DCAF8L2: variants seen among roughly 807,000 people sequenced by gnomAD.
DCAF8L2 encodes the protein DDB1- and CUL4-associated factor 8-like protein 2.
For missense variants in DCAF8L2, 430 were observed against 490.7 expected (o/e 0.88, Z 1.17); for synonymous variants, 200 against 190.9 (o/e 1.05, Z -0.39).
the DCAF8L2 span, among the ~76,000 whole-genome samples, chrX:27,502,317 TAAAAAAAAA>T: frequency 1.4e-4 from 2 of 13,996 alleles, no homozygotes; most frequent in African/African-American, 5.4e-4. Context: ...TGAAACTCTG[TAAAAAAAAA>T]AAAAAAAAAA....
the DCAF8L2 span, among the ~76,000 whole-genome samples, chrX:27,563,516 T>C: frequency 6.1e-4 from 69 of 112,384 alleles, no homozygotes; most frequent in Non-Finnish European, 9.8e-4. Context: ...AGGATATGAC[T>C]CTTTCAATAT....
At position 27,747,315 on chromosome X, in the gene DCAF8L2, GGAGGAGGAGGAGGAA is replaced by G. The variant is rs769259966; in HGVS notation, c.423_437del (p.Glu143_Glu147del). 8.0e-6 allele frequency: 9 copies of G among 1,120,227 alleles called. No homozygotes were observed. The East Asian group carries it at 3.0e-4, about 37-fold the overall frequency. The allele number at this position is 1,120,227 out of a possible 1,213,427, so 92.3% of individuals were successfully genotyped here. On this transcript the variant is annotated inframe_deletion, in exon 5 of 5. Coordinates refer to ENST00000451261, the MANE Select transcript of DCAF8L2 (RefSeq NM_001353450.2). The stretch of plus-strand genomic sequence containing the variant: ...AGGAGGAGGAGGAGGAGGAGGAGGA[GGAGGAGGAGGAGGAA>G]GAAGAACAGCCTCGGGCGGGTCCAC...
intron 2 of DCAF8L2, among the ~76,000 whole-genome samples, chrX:27,644,512 C>A (rs1313139913): frequency 9.0e-6 from 1 of 110,619 alleles, no homozygotes; most frequent in Non-Finnish European, 1.9e-5. Context: ...TCTGAAAAAA[C>A]CTCTTGTTAC....
At chrX:27,722,509 G>C (rs908012219) in intron 4 of DCAF8L2, among the ~76,000 whole-genome samples, 1 of 111,295 alleles carries the variant, frequency 9.0e-6, no homozygotes, top group African/African-American at 3.3e-5. Flanking sequence ...TCAGTAGAAA[G>C]CATACTTCAA....
chrX:27,506,320 C>A, the DCAF8L2 span, among the ~76,000 whole-genome samples: 3 of 111,670 alleles, frequency 2.7e-5, no homozygotes, highest in Admixed American at 2.9e-4. Flanking sequence ...ACTTTGTACA[C>A]CCTCGTCCAT....
At chrX:27,713,065 G>T (rs1386443371) in intron 3 of DCAF8L2, among the ~76,000 whole-genome samples, 1 of 111,581 alleles carries the variant, frequency 9.0e-6, no homozygotes, top group Non-Finnish European at 1.9e-5. Context: ...GGTCTGAGTT[G>T]GAAAGAGAAT....
At chrX:27,540,459 T>C in the DCAF8L2 span, among the ~76,000 whole-genome samples, 1 of 111,052 alleles carries the variant, frequency 9.0e-6, no homozygotes, top group Non-Finnish European at 1.9e-5. Flanking sequence ...TTAAGTGAAA[T>C]AAGGCATGCA....
chrX:27,483,794 A>T, the DCAF8L2 span, among the ~76,000 whole-genome samples: 5 of 111,315 alleles, frequency 4.5e-5, no homozygotes, highest in South Asian at 1.9e-3. Flanking sequence ...CACCTCCACG[A>T]AACAGTGTAT....
chrX:27,742,596 C>CA (rs761506755), intron 4 of DCAF8L2, among the ~76,000 whole-genome samples: 1,988 of 93,162 alleles, frequency 0.021, 46 homozygotes, highest in African/African-American at 0.067. Flanking sequence ...CAAAAACAAA[C>CA]AAAAAAAAAA....
At chrX:27,681,652 T>C (rs770528105) in intron 3 of DCAF8L2, among the ~76,000 whole-genome samples, 1 of 112,214 alleles carries the variant, frequency 8.9e-6, no homozygotes, top group Admixed American at 9.5e-5. Flanking sequence ...TGGATTAAAA[T>C]TATATTGTCG....
the DCAF8L2 span, among the ~76,000 whole-genome samples, chrX:27,495,116 C>T: frequency 6.3e-5 from 7 of 111,417 alleles, no homozygotes; most frequent in African/African-American, 9.8e-5. Flanking sequence ...TATATTCATT[C>T]TTTGCATATG....
intron 4 of DCAF8L2, among the ~76,000 whole-genome samples, chrX:27,724,095 A>C (rs1205350360): frequency 1.8e-5 from 2 of 111,027 alleles, no homozygotes; most frequent in Non-Finnish European, 3.8e-5. Flanking sequence ...TACACAGTGC[A>C]GTAGAATGGG....
chrX:27,475,572 C>T, the DCAF8L2 span, among the ~76,000 whole-genome samples: 1 of 111,681 alleles, frequency 9.0e-6, no homozygotes, highest in African/African-American at 3.3e-5. Context: ...GTCGCTTGAA[C>T]AGGTCACCTA....
At chrX:27,639,956 G>A (rs1378787730) in intron 2 of DCAF8L2, among the ~76,000 whole-genome samples, 1 of 110,219 alleles carries the variant, frequency 9.1e-6, no homozygotes, top group Admixed American at 9.7e-5. Flanking sequence ...TTTTTTATTA[G>A]ACTTCAAGTT....
chrX:27,494,771 A>G, the DCAF8L2 span, among the ~76,000 whole-genome samples: 1 of 112,121 alleles, frequency 8.9e-6, no homozygotes, highest in Admixed American at 9.5e-5. Flanking sequence ...AATCCTTTAC[A>G]TACAGTTTTA....
chrX:27,521,444 C>A, the DCAF8L2 span, among the ~76,000 whole-genome samples: 1 of 112,210 alleles, frequency 8.9e-6, no homozygotes, highest in South Asian at 3.7e-4. Context: ...CTGCTGCTTA[C>A]TCTGAAGTTC....
chrX:27,716,938 G>A lies in DCAF8L2; in HGVS notation c.-59+767G>A, dbSNP rs138598408. ...GTGTTGTTCTCCTCCCTGTGTCCAC[G>A]TGTTCTCATTGTTCAGCTCACACTT... is the stretch of plus-strand genomic sequence containing the variant. On this transcript the variant is annotated intron_variant, in intron 4 of 4. Transcript: ENST00000451261. Among the ~76,000 whole-genome samples, 3 of 111,324 alleles carry A rather than the reference G, an allele frequency of 2.7e-5. No individual in the cohort carries two copies. In the East Asian group the frequency reaches 8.5e-4, roughly 32 times the overall value.
the DCAF8L2 span, among the ~76,000 whole-genome samples, chrX:27,514,675 AAAAAAAAAAAAAAAAAAAAAC>A: frequency 7.9e-4 from 54 of 68,266 alleles, no homozygotes; most frequent in African/African-American, 3.6e-3. Context: ...TCTCAAAAAA[AAAAAAAAAAAAAAAAAAAAAC>A]AAAAAAAAAA....
At chrX:27,651,532 C>T (rs1211565326) in intron 2 of DCAF8L2, among the ~76,000 whole-genome samples, 4 of 72,018 alleles carry the variant, frequency 5.6e-5, no homozygotes, top group East Asian at 4.5e-4. Flanking sequence ...TTTTTTGAGA[C>T]GGAGTCTTGC....
Sources: gnomAD v4.1 joint callset for allele counts (sites outside exome capture counted in the v4.1 genomes callset) on GRCh38, gnomAD v4.1.1 for gene constraint, MANE v1.5 for transcripts, NCBI Gene and HGNC (gene_info 2026-07-23, HGNC 2026-07-21) for gene names.